The following KIZ variants were observed in gnomAD, a reference collection of about 807,000 sequenced individuals.
The protein encoded by KIZ is centrosomal protein kizuna.
A neutral mutation model predicts 79.6 loss-of-function variants in KIZ; 68 were observed. That is an observed-to-expected ratio of 0.85 (90% CI 0.70 to 1.05). The LOEUF is 1.05. KIZ is among the 50% of genes least tolerant of loss of function. The pLI is 0.00. For missense variants in KIZ, 797 were observed against 800.4 expected, an observed-to-expected ratio of 1.00 and a Z score of 0.05; for synonymous variants, 280 against 281.8, an observed-to-expected ratio of 0.99 and a Z score of 0.06.
Position 21,214,596 on chromosome 20 carries a change from G to C in KIZ, c.1508G>C (p.Ser503Thr). 1 of 1,609,822 alleles carries C rather than the reference G, an allele frequency of 6.2e-7. No homozygotes were observed. The highest frequency in any genetic ancestry group is 1.3e-5 in the African/African-American group (1 of 74,956). The change falls in exon 8 of 13, where the codon AGT (serine) becomes ACT (threonine). Residue 503 changes from serine (S) to threonine (T), a missense_variant. By Grantham distance (58) the Ser-to-Thr change is moderately conservative. Coordinates refer to ENST00000619189, the MANE Select transcript of KIZ (RefSeq NM_018474.6). The stretch of plus-strand genomic sequence containing the variant: ...TGTGGCCGTAGGTCAGCTATTCACA[G>C]TAGTGAATCATCTTGCAGCTTGCCA... ...EECGRRSAIH[S>T]SESSCSLPSI...
At chr20:21,140,728 C>T (rs1007755714) in intron 3 of KIZ, among the ~76,000 whole-genome samples, 1 of 152,074 alleles carries the variant, frequency 6.6e-6, no homozygotes, top group Non-Finnish European at 1.5e-5. Flanking sequence ...CCTGTAATCC[C>T]AGTGCTTTAG....
chr20:21,218,234 G>C (rs759157176), intron 9 of KIZ: 2 of 151,918 alleles, frequency 1.3e-5, no homozygotes, highest in Non-Finnish European at 2.9e-5. Context: ...AGAAAAATCC[G>C]AAACAGCTGC....
intron 4 of KIZ, among the ~76,000 whole-genome samples, chr20:21,146,406 A>G (rs2032850555): frequency 6.6e-6 from 1 of 152,214 alleles, no homozygotes; most frequent in Non-Finnish European, 1.5e-5. Context: ...TGCAGCATTC[A>G]TTAAGAAAAG....
intron 9 of KIZ, chr20:21,218,645 C>T (rs968828651): frequency 2.0e-5 from 3 of 152,212 alleles, no homozygotes; most frequent in African/African-American, 7.2e-5. Flanking sequence ...GGAATTCTTT[C>T]TGTTAATAGC....
chr20:21,186,445 A>G (rs1457718168), intron 6 of KIZ, among the ~76,000 whole-genome samples: 1 of 151,788 alleles, frequency 6.6e-6, no homozygotes, highest in African/African-American at 2.4e-5. Context: ...CTTACCCGGA[A>G]TTGGGACTTG....
chr20:21,246,172 C>A (rs886602944), intron 12 of KIZ: 11 of 322,146 alleles, frequency 3.4e-5, no homozygotes, highest in Non-Finnish European at 4.5e-5. Context: ...CCCCAGGGAA[C>A]CCTGCTTCCA....
chr20:21,215,681 C>T, intron 9 of KIZ, 33 bp downstream of exon 9: 1 of 1,405,092 alleles, frequency 7.1e-7, no homozygotes, highest in Non-Finnish European at 1.0e-6. Flanking sequence ...GTTTCAGACA[C>T]AAGATTTAGC....
chr20:21,218,636 G>A (rs1263107318), intron 9 of KIZ: 1 of 152,178 alleles, frequency 6.6e-6, no homozygotes, highest in Non-Finnish European at 1.5e-5. Flanking sequence ...TTTGAAAATG[G>A]AATTCTTTCT....
intron 10 of KIZ, among the ~76,000 whole-genome samples, 165 bp from the exon 11 acceptor site, chr20:21,232,569 C>A (rs567096340): frequency 1.6e-4 from 24 of 152,298 alleles, no homozygotes; most frequent in African/African-American, 5.8e-4. Flanking sequence ...ATTCTACCAG[C>A]ATTTCATTCT....
chr20:21,135,078 A>G (rs138560053), intron 2 of KIZ, among the ~76,000 whole-genome samples: 1 of 152,128 alleles, frequency 6.6e-6, no homozygotes, highest in African/African-American at 2.4e-5. Flanking sequence ...CCCTCATAGC[A>G]TTCATCACGT....
chr20:21,164,180 G>A (rs1382272104), intron 6 of KIZ, among the ~76,000 whole-genome samples: 2 of 152,152 alleles, frequency 1.3e-5, no homozygotes, highest in Admixed American at 6.5e-5. Flanking sequence ...CTTTTTGTAC[G>A]GCATATGTTC....
intron 6 of KIZ, among the ~76,000 whole-genome samples, chr20:21,181,346 A>G (rs947547551): frequency 6.6e-6 from 1 of 152,256 alleles, no homozygotes; most frequent in Non-Finnish European, 1.5e-5. Flanking sequence ...AGATTTTTTA[A>G]AAGGACAAAG....
intron 4 of KIZ, among the ~76,000 whole-genome samples, chr20:21,152,813 C>G (rs1288448602): frequency 6.6e-6 from 1 of 152,202 alleles, no homozygotes; most frequent in Non-Finnish European, 1.5e-5. Context: ...TTCTCTTACT[C>G]TTCCATTTAC....
intron 7 of KIZ, among the ~76,000 whole-genome samples, chr20:21,205,790 G>A (rs556353254): frequency 5.9e-5 from 9 of 151,986 alleles, no homozygotes; most frequent in East Asian, 3.9e-4. Context: ...ATGAAACCCC[G>A]TCTCTATTAA....
At chr20:21,176,069 G>C (rs1452392810) in intron 6 of KIZ, among the ~76,000 whole-genome samples, 2 of 152,128 alleles carry the variant, frequency 1.3e-5, no homozygotes, top group Non-Finnish European at 2.9e-5. Flanking sequence ...CAGCACTTTG[G>C]GAGGCCAAGA....
intron 4 of KIZ, among the ~76,000 whole-genome samples, chr20:21,149,680 C>T (rs1439975505): frequency 6.6e-6 from 1 of 152,210 alleles, no homozygotes; most frequent in Non-Finnish European, 1.5e-5. Context: ...AAGGGTTCTT[C>T]CATTCCAGAT....
At chr20:21,175,100 G>C (rs1203888535) in intron 6 of KIZ, among the ~76,000 whole-genome samples, 2 of 152,108 alleles carry the variant, frequency 1.3e-5, no homozygotes, top group Non-Finnish European at 2.9e-5. Flanking sequence ...CCACCACACA[G>C]ATTCTGTCCT....
chr20:21,129,764 T>TA (rs1264719526), intron 1 of KIZ, among the ~76,000 whole-genome samples: 2 of 151,974 alleles, frequency 1.3e-5, no homozygotes, highest in Admixed American at 6.6e-5. Flanking sequence ...TATATATATA[T>TA]TTTTTAAAGT....
At chr20:21,200,593 A>G (rs1253012587) in intron 6 of KIZ, among the ~76,000 whole-genome samples, 1 of 151,804 alleles carries the variant, frequency 6.6e-6, no homozygotes, top group Non-Finnish European at 1.5e-5. Context: ...CCTTGCATGC[A>G]CAGTTCACAA....
Sources: allele counts gnomAD v4.1 joint callset (sites outside exome capture counted in the v4.1 genomes callset), GRCh38; gene constraint gnomAD v4.1.1; transcripts MANE v1.5; gene names NCBI Gene and HGNC (gene_info 2026-07-23, HGNC 2026-07-21).